Variants in SFI1 observed in about 807,000 individuals in gnomAD.
The protein encoded by SFI1 is SFI1 centrin binding protein, also known as protein SFI1 homolog.
A neutral mutation model predicts 207.5 loss-of-function variants in SFI1; 195 were observed. The observed-to-expected ratio is 0.94, with a 90% CI of 0.84 to 1.06. The LOEUF is 1.06. SFI1 is among the 50% of genes least tolerant of loss of function. The pLI, the probability that SFI1 is intolerant of heterozygous loss-of-function variation, is 0.00. For synonymous variants in SFI1, 630 were observed against 598.9 expected (o/e 1.05, Z -0.76); for missense variants, 1,634 against 1,588.0 (o/e 1.03, Z -0.49).
chr22:31,531,894 A>C (rs961599373), intron 4 of SFI1, among the ~76,000 whole-genome samples: 2 of 121,174 alleles, frequency 1.7e-5, no homozygotes, highest in African/African-American at 6.8e-5. Context: ...AGTCCCTCTC[A>C]AAAAAAAAAA....
In SFI1 at chr22:31,546,857, G is replaced by A. The variant is rs200550160; in HGVS notation, c.339-4G>A. On this transcript the variant is annotated splice_polypyrimidine_tract_variant and splice_region_variant and intron_variant, in intron 4 of 32. Transcript: ENST00000400288. ...ATATATATATGATTTTTTTTTTGCCGTAGATTTTACTATGAGCAGCGATTA... is the reference window on the plus strand; with the variant it reads ...ATATATATATGATTTTTTTTTTGCCATAGATTTTACTATGAGCAGCGATTA... 3.7e-5 allele frequency: 58 copies of A among 1,560,440 alleles called. No homozygotes were observed. Among genetic ancestry groups the A allele is most frequent in the Middle Eastern group, 1.7e-4 (1 of 5,890 alleles).
rs958754992 is a variant in SFI1, at chr22:31,508,454, A to C, written c.92+78A>C. On this transcript the variant is annotated intron_variant, in intron 2 of 32. Transcript: ENST00000400288. ...AACTAAACATTTTGTGTATGAAAAAATTATAAATTATGAGTGAGGTAGTAA... is the reference window on the plus strand; with the variant it reads ...AACTAAACATTTTGTGTATGAAAAACTTATAAATTATGAGTGAGGTAGTAA... 7 of 1,068,368 alleles carry C rather than the reference A, an allele frequency of 6.6e-6. No individual in the cohort carries two copies. The African/African-American group carries it at 1.1e-4, about 17-fold the overall frequency. 66.2% of individuals were successfully genotyped at this position (1,068,368 alleles called of 1,614,324 possible).
chr22:31,545,576 TTTA>T (rs1569269312), intron 4 of SFI1, among the ~76,000 whole-genome samples: 5 of 150,764 alleles, frequency 3.3e-5, no homozygotes, highest in Non-Finnish European at 5.9e-5. Flanking sequence ...TTTAATTTAA[TTTA>T]ATTTAATTTT....
At chr22:31,611,735 C>T (rs768793292) in intron 23 of SFI1, 31 bp from the exon 24 acceptor site, 42 of 1,604,828 alleles carry the variant, frequency 2.6e-5, no homozygotes, top group South Asian at 2.1e-4. Context: ...TGGGTCAGGA[C>T]GCCACTCTCT....
At chr22:31,567,167 A>C (rs1029085626) in intron 8 of SFI1, among the ~76,000 whole-genome samples, 1 of 152,070 alleles carries the variant, frequency 6.6e-6, no homozygotes, top group African/African-American at 2.4e-5. Context: ...GGCCTCCCAA[A>C]GTGTTGGGAT....
At chr22:31,530,810 G>T in intron 3 of SFI1, 1 of 506,458 alleles carries the variant, frequency 2.0e-6, no homozygotes, top group Non-Finnish European at 3.6e-6. Context: ...CATTTTTGAA[G>T]TTTTTAATCT....
intron 6 of SFI1, among the ~76,000 whole-genome samples, chr22:31,554,893 C>G (rs1417717392): frequency 6.6e-6 from 1 of 151,978 alleles, no homozygotes; most frequent in Non-Finnish European, 1.5e-5. Context: ...AACTTGTTTT[C>G]TGATTTTCCC....
chr22:31,562,645 A>AT (rs1253285594), intron 8 of SFI1, among the ~76,000 whole-genome samples: 1 of 149,718 alleles, frequency 6.7e-6, no homozygotes, highest in Non-Finnish European at 1.5e-5. Flanking sequence ...TTTTTTTTTG[A>AT]TTTTTTGAGA....
At chr22:31,599,147 T>G (rs1390847032) in intron 15 of SFI1, among the ~76,000 whole-genome samples, 2 of 151,964 alleles carry the variant, frequency 1.3e-5, no homozygotes, top group Non-Finnish European at 2.9e-5. Context: ...TAAGAAATAT[T>G]TGCTACTCTA....
In SFI1 at chr22:31,589,537, C is replaced by G. The variant is rs577662337; in HGVS notation, c.1504C>G (p.Gln502Glu). Residue 502 changes from glutamine to glutamate, a missense_variant, in exon 15 of 33, where the codon CAG (glutamine) becomes GAG (glutamate). Physicochemically the swap from Gln to Glu is conservative, Grantham distance 29 (BLOSUM62 2). Transcript: ENST00000400288. ...TWNRLWRWRH[Q>E]ENVLSARATR... ...GAACAGACTCTGGCGATGGCGCCAC[C>G]AGGAAAATGTCCTCAGTGCAAGAGC... 1 of 1,614,064 alleles carries G rather than the reference C, an allele frequency of 6.2e-7. No individual in the cohort carries two copies. The highest frequency in any genetic ancestry group is 1.7e-5 in the Admixed American group (1 of 59,972).
In SFI1 at chr22:31,611,955, C is replaced by T. The variant is rs1294511195; in HGVS notation, c.2490+115C>T. On this transcript the variant is annotated intron_variant, in intron 24 of 32. Coordinates refer to ENST00000400288, the MANE Select transcript of SFI1 (RefSeq NM_001007467.3). ...TCTAGTTCAGTATTTTTACTATCACCCTCCCCAGGGCCACCTCCTCTACCA... is the reference window on the plus strand; with the variant it reads ...TCTAGTTCAGTATTTTTACTATCACTCTCCCCAGGGCCACCTCCTCTACCA... The T allele has an allele frequency of 3.4e-6, 5 of 1,475,208 alleles. No individual in the cohort carries two copies. The East Asian group carries it at 7.6e-5, about 22-fold the overall frequency. The allele number at this position is 1,475,208 out of a possible 1,614,324, so 91.4% of individuals were successfully genotyped here.
intron 1 of SFI1, among the ~76,000 whole-genome samples, chr22:31,497,040 A>G (rs2052788173): frequency 6.6e-6 from 1 of 152,288 alleles, no homozygotes; most frequent in East Asian, 1.9e-4. Context: ...AAGGGCTGGT[A>G]TATGGGCGAC....
intron 7 of SFI1, chr22:31,559,437 A>G (rs1007429963): frequency 2.6e-6 from 1 of 391,716 alleles, no homozygotes; most frequent in Non-Finnish European, 4.9e-6. Flanking sequence ...AAATAAAAAA[A>G]ATGGCTTCCG....
intron 2 of SFI1, among the ~76,000 whole-genome samples, chr22:31,526,645 C>T (rs913044423): frequency 6.6e-6 from 1 of 151,848 alleles, no homozygotes. Flanking sequence ...AGCCTCTGCC[C>T]CCTGGGTTCA....
chr22:31,597,108 G>A (rs372780747), intron 15 of SFI1, among the ~76,000 whole-genome samples: 15 of 152,264 alleles, frequency 9.9e-5, no homozygotes, highest in African/African-American at 3.6e-4. Context: ...CACAGTACCC[G>A]TTTCTTTTTT....
chr22:31,613,278 G>A, intron 25 of SFI1, 62 bp downstream of exon 25: 1 of 1,608,484 alleles, frequency 6.2e-7, no homozygotes, highest in Non-Finnish European at 8.5e-7. Flanking sequence ...CCTGCCTTGG[G>A]TGGAGGGAGG....
At chr22:31,564,053 C>T (rs764234773) in intron 8 of SFI1, among the ~76,000 whole-genome samples, 10 of 151,456 alleles carry the variant, frequency 6.6e-5, no homozygotes, top group South Asian at 6.3e-4. Context: ...ATAGGCCAGG[C>T]GCGGTGGCTC....
At chr22:31,593,121 C>T (rs1305827617) in intron 15 of SFI1, among the ~76,000 whole-genome samples, 4 of 143,638 alleles carry the variant, frequency 2.8e-5, no homozygotes, top group Admixed American at 1.4e-4. Flanking sequence ...GGCGGCTGGC[C>T]GGGCGGGGGG....
At chr22:31,615,427 C>A in intron 29 of SFI1, 148 bp downstream of exon 29, 2 of 658,060 alleles carry the variant, frequency 3.0e-6, no homozygotes, top group Non-Finnish European at 4.7e-6. Context: ...GTAGCCACTG[C>A]ACACCAGGTC....
Sources: gnomAD v4.1 joint callset for allele counts (sites outside exome capture counted in the v4.1 genomes callset) on GRCh38, gnomAD v4.1.1 for gene constraint, MANE v1.5 for transcripts, NCBI Gene and HGNC (gene_info 2026-07-23, HGNC 2026-07-21) for gene names.